DNER: variants seen among roughly 807,000 people sequenced by gnomAD.
The protein encoded by DNER is delta/notch like EGF repeat containing, also known as delta and Notch-like epidermal growth factor-related receptor.
Under a neutral mutation model 78.2 loss-of-function variants are expected in DNER, and 33 were observed. The ratio of observed to expected loss-of-function variants is 0.42; its 90% CI spans 0.32 to 0.56. The LOEUF (loss-of-function observed/expected upper bound fraction) is 0.56. Among genes scored for constraint, DNER ranks in the 20% least tolerant of loss-of-function variants. The pLI is 0.11. For synonymous variants in DNER, 417 were observed against 384.8 expected, an observed-to-expected ratio of 1.08 and a Z score of -0.98; for missense variants, 918 against 975.3, an observed-to-expected ratio of 0.94 and a Z score of 0.78.
intron 1 of DNER, among the ~76,000 whole-genome samples, chr2:229,594,437 A>T (rs1404210242): frequency 6.6e-6 from 1 of 152,154 alleles, no homozygotes; most frequent in Admixed American, 6.5e-5. Context: ...AAATACAAAA[A>T]TTAGTCGGGC....
At chr2:229,499,927 C>CTTTTTTTT (rs1695580901) in intron 6 of DNER, among the ~76,000 whole-genome samples, 1 of 72,094 alleles carries the variant, frequency 1.4e-5, no homozygotes, top group Non-Finnish European at 3.2e-5. Flanking sequence ...AATAGACTTT[C>CTTTTTTTT]TTTCTTTTTT....
chr2:229,500,404 A>T (rs1361141730), intron 6 of DNER, among the ~76,000 whole-genome samples: 1 of 152,176 alleles, frequency 6.6e-6, no homozygotes, highest in Non-Finnish European at 1.5e-5. Context: ...GTTGGTGAGG[A>T]TGTGGAGGAA....
chr2:229,711,902 T>C (rs889225877), intron 1 of DNER, among the ~76,000 whole-genome samples: 2 of 152,124 alleles, frequency 1.3e-5, no homozygotes, highest in Admixed American at 6.5e-5. Flanking sequence ...GTCTTTTGTG[T>C]TCTTTGCTGT....
intron 1 of DNER, 133 bp downstream of exon 1, chr2:229,714,015 G>T: frequency 1.1e-6 from 1 of 940,986 alleles, no homozygotes; most frequent in Non-Finnish European, 1.4e-6. Context: ...CAAGAGACTG[G>T]ATCCATCTTC....
At chr2:229,503,661 G>A (rs752403658) in intron 6 of DNER, among the ~76,000 whole-genome samples, 3 of 152,164 alleles carry the variant, frequency 2.0e-5, no homozygotes, top group South Asian at 2.1e-4. Context: ...GCAGTATGAC[G>A]GACTGGACTG....
At chr2:229,446,801 C>T (rs1574846952) in intron 8 of DNER, among the ~76,000 whole-genome samples, 1 of 152,074 alleles carries the variant, frequency 6.6e-6, no homozygotes, top group Admixed American at 6.5e-5. Context: ...ACATAGGGAG[C>T]CAGTGATATA....
intron 1 of DNER, among the ~76,000 whole-genome samples, chr2:229,713,593 C>G (rs1699942016): frequency 6.6e-6 from 1 of 152,242 alleles, no homozygotes; most frequent in African/African-American, 2.4e-5. Context: ...CAGCTGCCCT[C>G]CTCGTCCTCT....
At chr2:229,409,390 A>T (rs1693457728) in intron 9 of DNER, among the ~76,000 whole-genome samples, 2 of 152,230 alleles carry the variant, frequency 1.3e-5, no homozygotes, top group Admixed American at 1.3e-4. Flanking sequence ...CATTTCCATT[A>T]GACCTGAAGT....
intron 5 of DNER, among the ~76,000 whole-genome samples, chr2:229,544,842 C>T (rs1696589051): frequency 6.6e-6 from 1 of 152,168 alleles, no homozygotes; most frequent in South Asian, 2.1e-4. Flanking sequence ...CCGGAAAATG[C>T]TATATTTAAG....
chr2:229,371,725 A>G (rs1217050814), intron 11 of DNER, among the ~76,000 whole-genome samples: 1 of 152,256 alleles, frequency 6.6e-6, no homozygotes, highest in Middle Eastern at 3.2e-3. Context: ...TATTGCATCT[A>G]AAATACATAG....
intron 1 of DNER, among the ~76,000 whole-genome samples, chr2:229,617,031 G>A (rs865940319): frequency 8.5e-5 from 13 of 152,258 alleles, no homozygotes; most frequent in Admixed American, 3.9e-4. Flanking sequence ...ATGAAAAGCC[G>A]GGATTTCAAC....
At chr2:229,494,365 C>T (rs1366865170) in intron 6 of DNER, among the ~76,000 whole-genome samples, 1 of 152,210 alleles carries the variant, frequency 6.6e-6, no homozygotes, top group Non-Finnish European at 1.5e-5. Flanking sequence ...AAGTTATATG[C>T]TTCCAAATAC....
In DNER at chr2:229,480,956, C is replaced by T. The variant is rs1695144433; in HGVS notation, c.1148-3703G>A. On this transcript the variant is annotated intron_variant, in intron 6 of 12. Coordinates refer to ENST00000341772, the MANE Select transcript of DNER (RefSeq NM_139072.4). Reference sequence around the variant, plus strand: ...GTTCAGTATTACTGGAGATGAAGAACACTAATGGAGGAGCATGGACTGGGG... The same window carrying T: ...GTTCAGTATTACTGGAGATGAAGAATACTAATGGAGGAGCATGGACTGGGG... Among the ~76,000 whole-genome samples the T allele has an allele frequency of 3.3e-5, 5 of 152,142 alleles. No homozygotes were observed. In the South Asian group the frequency reaches 1.0e-3, roughly 31 times the overall value.
At chr2:229,711,355 C>T (rs1217021150) in intron 1 of DNER, among the ~76,000 whole-genome samples, 1 of 151,692 alleles carries the variant, frequency 6.6e-6, no homozygotes, top group Non-Finnish European at 1.5e-5. Context: ...CCCATAGATC[C>T]CATCGTTGAA....
chr2:229,640,449 A>C (rs1008552307), intron 1 of DNER, among the ~76,000 whole-genome samples: 12 of 151,400 alleles, frequency 7.9e-5, no homozygotes, highest in Admixed American at 2.0e-4. Context: ...CCTGTAAAAA[A>C]GCTGTCACAG....
intron 11 of DNER, among the ~76,000 whole-genome samples, chr2:229,374,200 T>C (rs1292918482): frequency 6.6e-6 from 1 of 151,870 alleles, no homozygotes; most frequent in African/African-American, 2.4e-5. Flanking sequence ...CAGGTACTTG[T>C]GGATATAGAG....
chr2:229,575,872 G>C (rs1210277525), intron 4 of DNER, among the ~76,000 whole-genome samples: 1 of 152,110 alleles, frequency 6.6e-6, no homozygotes, highest in Non-Finnish European at 1.5e-5. Flanking sequence ...AGTAATAGAA[G>C]ATCAAAAAGA....
intron 4 of DNER, 139 bp downstream of exon 4, chr2:229,585,719 C>A: frequency 4.6e-6 from 4 of 863,732 alleles, no homozygotes; most frequent in Non-Finnish European, 7.0e-6. Context: ...TATTCTAAAA[C>A]CTTACCAAAG....
chr2:229,704,286 C>A (rs74897992), intron 1 of DNER, among the ~76,000 whole-genome samples: 1,678 of 152,356 alleles, frequency 0.011, 20 homozygotes, highest in Non-Finnish European at 0.017. Flanking sequence ...CTGGAAAACA[C>A]TTTGGCAGCA....
Sources: gnomAD v4.1 joint callset for allele counts (sites outside exome capture counted in the v4.1 genomes callset) on GRCh38, gnomAD v4.1.1 for gene constraint, MANE v1.5 for transcripts, NCBI Gene and HGNC (gene_info 2026-07-23, HGNC 2026-07-21) for gene names.